The following RREB1 variants were observed in gnomAD, a reference collection of about 807,000 sequenced individuals.
RREB1 encodes ras-responsive element-binding protein 1.
A neutral mutation model predicts 117.8 loss-of-function variants in RREB1; 27 were observed. The observed-to-expected ratio is 0.23, with a 90% confidence interval of 0.17 to 0.32. The LOEUF (loss-of-function observed/expected upper bound fraction) is 0.32, where lower values mean the gene tolerates loss of function less well. RREB1 is among the 10% of genes least tolerant of loss of function. The pLI is 1.00. For missense variants in RREB1, 2,577 were observed against 2,378.2 expected, an observed-to-expected ratio of 1.08 and a Z score of -1.74; for synonymous variants, 1,298 against 1,026.7, an observed-to-expected ratio of 1.26 and a Z score of -5.05.
intron 1 of RREB1, among the ~76,000 whole-genome samples, chr6:7,167,110 T>C (rs1763972482): frequency 6.6e-6 from 1 of 152,138 alleles, no homozygotes; most frequent in Admixed American, 6.5e-5. Flanking sequence ...TTGGTGAATA[T>C]AGGGAAGAAA....
chr6:7,200,244 ATGTGTG>A lies in RREB1; in HGVS notation c.426-10528_426-10523del, dbSNP rs70978945. On this transcript the variant is annotated intron_variant, in intron 6 of 12. Coordinates refer to ENST00000379938, the MANE Select transcript of RREB1 (RefSeq NM_001003699.4). The stretch of plus-strand genomic sequence containing the variant: ...TATATATATATATGTATGTGTGTAT[ATGTGTG>A]TGTGTGTGTGTGTGTGTGTGTGTGT... 2.8e-3 allele frequency among the ~76,000 whole-genome samples: 358 copies of A among 129,348 alleles called. 2 individuals are homozygous for A. The highest frequency in any genetic ancestry group is 7.1e-3 in the African/African-American group (249 of 34,850). 84.9% of individuals were successfully genotyped at this position (129,348 alleles called of 152,430 possible). A position where few individuals can be genotyped will look rare whatever the true frequency, so the allele number is the denominator to read the frequency against.
At chr6:7,128,746 A>G (rs906488300) in intron 1 of RREB1, among the ~76,000 whole-genome samples, 2 of 152,188 alleles carry the variant, frequency 1.3e-5, no homozygotes, top group Non-Finnish European at 2.9e-5. Flanking sequence ...AGGCGGGCAG[A>G]TCACCTGAGT....
intron 3 of RREB1, 126 bp downstream of exon 3, chr6:7,181,372 T>C (rs1764785846): frequency 2.5e-6 from 1 of 401,056 alleles, no homozygotes; most frequent in Non-Finnish European, 4.4e-6. Context: ...TCTGATAGCG[T>C]TGGCTTCTTA....
intron 4 of RREB1, among the ~76,000 whole-genome samples, chr6:7,186,043 T>C (rs1187387310): frequency 6.6e-6 from 1 of 152,206 alleles, no homozygotes; most frequent in African/African-American, 2.4e-5. Context: ...ATTGGTGTTA[T>C]TTGCAAGGAG....
At chr6:7,188,215 T>TC (rs200788403) in intron 5 of RREB1, among the ~76,000 whole-genome samples, 3,335 of 123,950 alleles carry the variant, frequency 0.027, 56 homozygotes, top group Non-Finnish European at 0.038. Context: ...ATAGAATCGC[T>TC]CCCCCCCACA....
Position 7,250,508 on chromosome 6 carries a change from C to T in RREB1, c.*1540C>T, listed in dbSNP as rs1769363114. On this transcript the variant is annotated 3_prime_UTR_variant, in exon 13 of 13. Transcript: ENST00000379938. ...GAGAATGTACCCCACTGCACCTGAG[C>T]TCCTGGTCCCTCAGCCAAGACCTCA... 1 of 151,978 alleles carries T rather than the reference C, an allele frequency of 6.6e-6. No individual in the cohort carries two copies. Among genetic ancestry groups the T allele is most frequent in the Non-Finnish European group, 1.5e-5 (1 of 67,976 alleles). 9.4% of individuals were successfully genotyped at this position (151,978 alleles called of 1,614,324 possible).
intron 9 of RREB1, 125 bp from the exon 10 acceptor site, chr6:7,228,870 TTA>T (rs1767741781): frequency 1.2e-6 from 1 of 832,810 alleles, no homozygotes; most frequent in Non-Finnish European, 1.7e-6. Flanking sequence ...TGGGAACTCT[TTA>T]TGTTATGGGG....
chr6:7,199,719 A>G (rs560734465), intron 6 of RREB1, among the ~76,000 whole-genome samples: 1 of 151,904 alleles, frequency 6.6e-6, no homozygotes, highest in East Asian at 1.9e-4. Flanking sequence ...GGTGGAGTGC[A>G]GTGGTGCCAT....
In RREB1 at chr6:7,247,145, G is replaced by A. The variant is rs1166886251; in HGVS notation, c.4695G>A (p.Arg1565=). ...PKSVASKADK[R]KKVCSVCNKR... is the part of the protein sequence containing the mutation. Reference sequence around the variant, plus strand: ...GCGTGGCCAGCAAGGCAGACAAGAGGAAGAAGGTCTGCAGCGTGTGCAACA... The same window carrying A: ...GCGTGGCCAGCAAGGCAGACAAGAGAAAGAAGGTCTGCAGCGTGTGCAACA... Residue 1565 remains arginine, a synonymous_variant, in exon 12 of 13, where the codon AGG becomes AGA. Coordinates refer to ENST00000379938, the MANE Select transcript of RREB1 (RefSeq NM_001003699.4). 1.2e-6 allele frequency: 2 copies of A among 1,613,834 alleles called. No homozygotes were observed. The highest frequency in any genetic ancestry group is 1.3e-5 in the African/African-American group (1 of 74,916).
rs1204006538 is a variant in RREB1, at chr6:7,251,602, A to G, written c.*2634A>G. On this transcript the variant is annotated 3_prime_UTR_variant, in exon 13 of 13. Transcript: ENST00000379938. ...AAACAACCCAGAGGGCTGTGTTCCA[A>G]GCAGCGCTGGGGAAGCTACGTAACA... The G allele has an allele frequency of 6.6e-6, 1 of 151,762 alleles. No homozygotes were observed. The highest frequency in any genetic ancestry group is 6.6e-5 in the Admixed American group (1 of 15,204). 9.4% of individuals were successfully genotyped at this position (151,762 alleles called of 1,614,324 possible).
At chr6:7,194,046 C>T (rs1581520128) in intron 6 of RREB1, among the ~76,000 whole-genome samples, 1 of 152,202 alleles carries the variant, frequency 6.6e-6, no homozygotes, top group African/African-American at 2.4e-5. Context: ...TTTCTGTCAT[C>T]CCAGTAGCAT....
intron 1 of RREB1, among the ~76,000 whole-genome samples, chr6:7,120,253 C>T (rs1761616778): frequency 6.6e-6 from 1 of 152,070 alleles, no homozygotes. Flanking sequence ...GAGTTTGAGA[C>T]TGGCCTGGAC....
chr6:7,227,715 G>A (rs950101247), intron 9 of RREB1, among the ~76,000 whole-genome samples: 1 of 152,044 alleles, frequency 6.6e-6, no homozygotes, highest in African/African-American at 2.4e-5. Context: ...GGTCATTATT[G>A]ACCTGAATAA....
At chr6:7,221,829 G>C (rs1433089234) in intron 8 of RREB1, among the ~76,000 whole-genome samples, 1 of 152,200 alleles carries the variant, frequency 6.6e-6, no homozygotes, top group Non-Finnish European at 1.5e-5. Flanking sequence ...AGTGAGAAGA[G>C]AGAACATGTT....
chr6:7,120,119 C>T (rs1178968047), intron 1 of RREB1, among the ~76,000 whole-genome samples: 1 of 142,430 alleles, frequency 7.0e-6, no homozygotes, highest in African/African-American at 2.5e-5. Context: ...CCTTTTTTAG[C>T]TATTTCTTTA....
At chr6:7,120,609 G>A (rs1761634178) in intron 1 of RREB1, among the ~76,000 whole-genome samples, 1 of 151,790 alleles carries the variant, frequency 6.6e-6, no homozygotes, top group African/African-American at 2.4e-5. Context: ...GATGCTAAAA[G>A]GAACAGGAAA....
intron 10 of RREB1, among the ~76,000 whole-genome samples, chr6:7,240,209 T>C (rs1217712699): frequency 6.6e-6 from 1 of 152,160 alleles, no homozygotes; most frequent in Non-Finnish European, 1.5e-5. Flanking sequence ...TTCATTTATT[T>C]TAGTATTTTG....
intron 1 of RREB1, among the ~76,000 whole-genome samples, chr6:7,138,854 TAA>T (rs1762450044): frequency 6.6e-6 from 1 of 152,250 alleles, no homozygotes; most frequent in African/African-American, 2.4e-5. Context: ...TCCTCCGTAA[TAA>T]GAGTATAGTT....
At chr6:7,150,658 G>A (rs1763077077) in intron 1 of RREB1, among the ~76,000 whole-genome samples, 1 of 152,190 alleles carries the variant, frequency 6.6e-6, no homozygotes, top group Non-Finnish European at 1.5e-5. Context: ...GATGCTCAGG[G>A]CAGATGGAAA....
Sources: allele counts gnomAD v4.1 joint callset (sites outside exome capture counted in the v4.1 genomes callset), GRCh38; gene constraint gnomAD v4.1.1; transcripts MANE v1.5; gene names NCBI Gene and HGNC (gene_info 2026-07-23, HGNC 2026-07-21).